PDZD2: variants seen among roughly 807,000 people sequenced by gnomAD.
PDZD2 encodes the protein PDZ domain containing 2.
A neutral mutation model predicts 220.7 loss-of-function variants in PDZD2; 90 were observed. That is an observed-to-expected ratio of 0.41 (90% CI 0.34 to 0.49). PDZD2 has a LOEUF of 0.49. Ranked by LOEUF, PDZD2 falls within the 20% of genes least tolerant of loss-of-function variation. PDZD2 has a pLI of 0.28. For synonymous variants in PDZD2, 1,375 were observed against 1,450.5 expected, an observed-to-expected ratio of 0.95 and a Z score of 1.18; for missense variants, 3,174 against 3,608.5, an observed-to-expected ratio of 0.88 and a Z score of 3.08.
chr5:31,716,473 G>A (rs1455560899), intron 1 of PDZD2, among the ~76,000 whole-genome samples: 3 of 152,288 alleles, frequency 2.0e-5, no homozygotes, highest in Admixed American at 1.3e-4. Context: ...TTGAGGCAAG[G>A]AATGGGCAAG....
chr5:32,011,094 A>G (rs769685692), intron 6 of PDZD2, among the ~76,000 whole-genome samples: 2 of 151,890 alleles, frequency 1.3e-5, no homozygotes, highest in Non-Finnish European at 2.9e-5. Context: ...TATAATATAT[A>G]CAAGGATTTT....
Position 32,090,227 on chromosome 5 carries a change from A to C in PDZD2, c.6779A>C (p.Glu2260Ala). 1.2e-6 allele frequency: 2 copies of C among 1,614,144 alleles called. No homozygotes were observed. Residue 2260 changes from glutamate to alanine, a missense_variant, in exon 20 of 25, where the codon GAG (glutamate) becomes GCG (alanine). Physicochemically the swap from Glu to Ala is moderately radical, Grantham distance 107. Transcript: ENST00000438447. The surrounding 1 kb of genome is among the most constrained non-coding windows in gnomAD (Gnocchi z 4.3). ...QVPVTSSVVP[E>A]AKASRGGLPS... ...CCTGTGACAAGCAGTGTTGTCCCCGAGGCAAAGGCATCCAGAGGTGGTCTT... is the reference window on the plus strand; with the variant it reads ...CCTGTGACAAGCAGTGTTGTCCCCGCGGCAAAGGCATCCAGAGGTGGTCTT...
chr5:32,108,808 G>T lies in PDZD2; in HGVS notation c.*673G>T. 6.6e-6 allele frequency: 1 copy of T among 152,640 alleles called. No homozygotes were observed. Among genetic ancestry groups the T allele is most frequent in the Non-Finnish European group, 1.5e-5 (1 of 68,040 alleles). The allele number at this position is 152,640 out of a possible 1,614,324, so 9.5% of individuals were successfully genotyped here. On this transcript the variant is annotated 3_prime_UTR_variant, in exon 25 of 25. Coordinates refer to ENST00000438447, the MANE Select transcript of PDZD2 (RefSeq NM_178140.4). ...ACGTATGCAAAGTTCAACTCAATAG[G>T]TTATTGATCACCATGAAGTATTGAT...
chr5:32,051,207 G>A (rs925958555), intron 8 of PDZD2, among the ~76,000 whole-genome samples: 9 of 152,054 alleles, frequency 5.9e-5, no homozygotes, highest in Admixed American at 2.6e-4. Context: ...ACAAACCTCC[G>A]TATTCAAGGA....
At chr5:31,975,639 G>C (rs1377025777) in intron 2 of PDZD2, among the ~76,000 whole-genome samples, 1 of 152,120 alleles carries the variant, frequency 6.6e-6, no homozygotes, top group Non-Finnish European at 1.5e-5. Context: ...GGAGTGCACT[G>C]TTCTAGTCAC....
intron 1 of PDZD2, among the ~76,000 whole-genome samples, chr5:31,758,344 A>G (rs1455011247): frequency 6.6e-6 from 1 of 152,132 alleles, no homozygotes; most frequent in Non-Finnish European, 1.5e-5. Context: ...TGGAGATGGA[A>G]TGAGGGTTGG....
chr5:31,881,907 C>T (rs57616196), intron 2 of PDZD2, among the ~76,000 whole-genome samples: 1,565 of 151,980 alleles, frequency 0.01, 27 homozygotes, highest in African/African-American at 0.036. Flanking sequence ...TTAGTAGAGA[C>T]GGGGTTTCTC....
At chr5:31,737,654 G>T (rs1159180588) in intron 1 of PDZD2, among the ~76,000 whole-genome samples, 2 of 152,160 alleles carry the variant, frequency 1.3e-5, no homozygotes, top group African/African-American at 4.8e-5. Flanking sequence ...TTATCGGAGT[G>T]GCTAAAATAA....
chr5:32,036,621 G>A (rs907257083), intron 6 of PDZD2, among the ~76,000 whole-genome samples: 3 of 152,146 alleles, frequency 2.0e-5, no homozygotes, highest in African/African-American at 7.2e-5. Flanking sequence ...ACCTCATGTC[G>A]ACGCCTCCAG....
intron 6 of PDZD2, among the ~76,000 whole-genome samples, chr5:32,020,642 CT>C (rs11459649): frequency 2.1e-5 from 3 of 146,330 alleles, no homozygotes; most frequent in South Asian, 2.2e-4. Context: ...ACAAAATGAT[CT>C]TTTTTTTTTT....
chr5:31,964,974 C>T (rs1269840446), intron 2 of PDZD2, among the ~76,000 whole-genome samples: 1 of 152,058 alleles, frequency 6.6e-6, no homozygotes, highest in East Asian at 1.9e-4. Flanking sequence ...CGCCCACCTC[C>T]GCTTCCCAAA....
intron 2 of PDZD2, among the ~76,000 whole-genome samples, chr5:31,881,326 A>ATATGTG (rs1229479758): frequency 2.4e-5 from 3 of 123,252 alleles, no homozygotes; most frequent in African/African-American, 9.3e-5. Flanking sequence ...TTCCATATAT[A>ATATGTG]TGTGTGTGTG....
intron 2 of PDZD2, among the ~76,000 whole-genome samples, chr5:31,859,926 A>C (rs1737524489): frequency 6.6e-6 from 1 of 152,136 alleles, no homozygotes; most frequent in African/African-American, 2.4e-5. Flanking sequence ...CCAGTATTAA[A>C]AGCTCTCAGG....
Position 32,087,534 on chromosome 5 carries a change from G to A in PDZD2, c.4086G>A (p.Leu1362=), listed in dbSNP as rs549006397. ...CTCCAGGTAACCACAGTAAGGCTCT[G>A]GAAATGACAGGAATCCATGCACCTG... ...QGAPGNHSKA[L]EMTGIHAPES... The change falls in exon 20 of 25, where the codon CTG becomes CTA. Residue 1362 remains leucine (L), a synonymous_variant. Transcript: ENST00000438447. The surrounding 1 kb of genome is among the most constrained non-coding windows in gnomAD (Gnocchi z 4.0). 6.6e-4 allele frequency: 1,070 copies of A among 1,613,616 alleles called. 24 individuals carry two copies. In the South Asian group the frequency reaches 0.011, roughly 17 times the overall value.
chr5:32,009,774 G>C (rs1466997000), intron 5 of PDZD2, among the ~76,000 whole-genome samples: 1 of 151,842 alleles, frequency 6.6e-6, no homozygotes, highest in African/African-American at 2.4e-5. Context: ...CTTAAATTCA[G>C]GGAGCTTGGA....
At chr5:31,944,804 T>C (rs992688240) in intron 2 of PDZD2, among the ~76,000 whole-genome samples, 1 of 152,182 alleles carries the variant, frequency 6.6e-6, no homozygotes, top group African/African-American at 2.4e-5. Context: ...CAGCTGCGCC[T>C]TGGAGGGGCC....
At chr5:31,910,954 A>T (rs1163334435) in intron 2 of PDZD2, among the ~76,000 whole-genome samples, 1 of 152,204 alleles carries the variant, frequency 6.6e-6, no homozygotes, top group Admixed American at 6.5e-5. Context: ...CCTTTATTTT[A>T]AACCAGTTCT....
chr5:31,647,092 C>G (rs1380911750), intron 1 of PDZD2, among the ~76,000 whole-genome samples: 1 of 152,124 alleles, frequency 6.6e-6, no homozygotes, highest in East Asian at 1.9e-4. Flanking sequence ...TGCACACGGC[C>G]CCTGAGCACA....
At chr5:31,769,937 A>T (rs1352519459) in intron 1 of PDZD2, among the ~76,000 whole-genome samples, 1 of 152,186 alleles carries the variant, frequency 6.6e-6, no homozygotes, top group Non-Finnish European at 1.5e-5. Flanking sequence ...AAAGTGTCTT[A>T]TGAGTCCCCA....
Sources: allele counts gnomAD v4.1 joint callset (sites outside exome capture counted in the v4.1 genomes callset), GRCh38; gene constraint gnomAD v4.1.1; non-coding constraint Gnocchi (gnomAD v3.1); transcripts MANE v1.5; gene names NCBI Gene and HGNC (gene_info 2026-07-23, HGNC 2026-07-21).